Variants in TEC observed in about 807,000 individuals in gnomAD.
TEC encodes the protein tec protein tyrosine kinase.
Under a neutral mutation model 93.0 loss-of-function variants are expected in TEC, and 72 were observed. The ratio of observed to expected loss-of-function variants is 0.77; its 90% CI spans 0.64 to 0.94. The LOEUF is 0.94. TEC is among the 40% of genes least tolerant of loss of function. TEC has a pLI of 0.00. For missense variants in TEC, 630 were observed against 757.9 expected, an observed-to-expected ratio of 0.83 and a Z score of 1.98; for synonymous variants, 249 against 247.7, an observed-to-expected ratio of 1.01 and a Z score of -0.05.
At chr4:48,251,700 T>C (rs1299425224) in intron 1 of TEC, among the ~76,000 whole-genome samples, 1 of 152,152 alleles carries the variant, frequency 6.6e-6, no homozygotes, top group Non-Finnish European at 1.5e-5. Flanking sequence ...CTAAGGAGTA[T>C]GCAAGTGGAA....
chr4:48,179,376 ATTTTTTT>A (rs1159156668), intron 2 of TEC, among the ~76,000 whole-genome samples: 5 of 21,162 alleles, frequency 2.4e-4, no homozygotes, highest in African/African-American at 7.0e-4. Context: ...ATATATATAT[ATTTTTTT>A]TTTTTTTTTT....
chr4:48,159,279 T>A (rs1455434407), intron 8 of TEC, among the ~76,000 whole-genome samples: 1 of 152,194 alleles, frequency 6.6e-6, no homozygotes, highest in Non-Finnish European at 1.5e-5. Context: ...AGCACCAGCA[T>A]CTGAAAAAAG....
At chr4:48,147,129 T>C (rs948686119) in intron 11 of TEC, among the ~76,000 whole-genome samples, 7 of 151,872 alleles carry the variant, frequency 4.6e-5, no homozygotes, top group African/African-American at 1.7e-4. Flanking sequence ...ATAAAACTTA[T>C]ACAGGAACAC....
intron 2 of TEC, among the ~76,000 whole-genome samples, chr4:48,201,376 C>G (rs1722502467): frequency 6.6e-6 from 1 of 152,148 alleles, no homozygotes; most frequent in Non-Finnish European, 1.5e-5. Flanking sequence ...AAGTCATCTG[C>G]ACACAGAAGT....
At chr4:48,197,179 G>A (rs536329467) in intron 2 of TEC, among the ~76,000 whole-genome samples, 25 of 152,228 alleles carry the variant, frequency 1.6e-4, no homozygotes, top group Middle Eastern at 3.4e-3. Context: ...CAATTTGGTA[G>A]CCCAAAAAAT....
chr4:48,181,588 GCTTGAA>G (rs71742795), intron 2 of TEC, among the ~76,000 whole-genome samples: 98,575 of 150,372 alleles, frequency 0.66, 32,332 homozygotes, highest in Admixed American at 0.75. Context: ...CAGGAGAATA[GCTTGAA>G]CCTGGGAGGC....
intron 2 of TEC, among the ~76,000 whole-genome samples, chr4:48,217,014 C>G (rs1162031415): frequency 6.6e-6 from 1 of 152,154 alleles, no homozygotes; most frequent in Non-Finnish European, 1.5e-5. Flanking sequence ...CCATAAAAAG[C>G]TCTGCATGCC....
intron 2 of TEC, among the ~76,000 whole-genome samples, chr4:48,179,934 T>C (rs1012402791): frequency 6.6e-6 from 1 of 152,142 alleles, no homozygotes; most frequent in African/African-American, 2.4e-5. Flanking sequence ...ATTTAGTAAA[T>C]AACTGTCTAG....
intron 11 of TEC, among the ~76,000 whole-genome samples, chr4:48,147,254 A>G (rs1390683867): frequency 6.6e-6 from 1 of 152,264 alleles, no homozygotes; most frequent in Non-Finnish European, 1.5e-5. Context: ...ATGACGCAGC[A>G]TACCCATAAC....
rs562664066 is a variant in TEC, at chr4:48,152,055, CAATGG to C, written c.793-1118_793-1114del. Among the ~76,000 whole-genome samples the C allele has an allele frequency of 8.5e-4, 130 of 152,188 alleles. No individual in the cohort carries two copies. In the South Asian group the frequency reaches 0.011, roughly 13 times the overall value. On this transcript the variant is annotated intron_variant, in intron 9 of 17. Transcript: ENST00000381501. ...ATTGTACTCTTCTTGATAGGAAAAACAATGGAATTAAATAAATAAGGCTCCACAAA... is the reference window on the plus strand; with the variant it reads ...ATTGTACTCTTCTTGATAGGAAAAACAATTAAATAAATAAGGCTCCACAAA...
chr4:48,139,759 A>G (rs1719584424), intron 15 of TEC, among the ~76,000 whole-genome samples: 1 of 152,260 alleles, frequency 6.6e-6, no homozygotes. Context: ...CATATTTACA[A>G]AAGGAATGTA....
At chr4:48,140,613 C>A (rs1719618825) in intron 15 of TEC, among the ~76,000 whole-genome samples, 1 of 152,248 alleles carries the variant, frequency 6.6e-6, no homozygotes, top group Non-Finnish European at 1.5e-5. Context: ...AGCAGGAAAG[C>A]AGTCACAGGT....
At chr4:48,192,399 T>C (rs1224171432) in intron 2 of TEC, among the ~76,000 whole-genome samples, 1 of 152,036 alleles carries the variant, frequency 6.6e-6, no homozygotes, top group African/African-American at 2.4e-5. Flanking sequence ...CTTTTAGGGG[T>C]TATGGGCATA....
At chr4:48,227,985 C>T (rs139851514) in intron 2 of TEC, among the ~76,000 whole-genome samples, 2 of 152,120 alleles carry the variant, frequency 1.3e-5, no homozygotes, top group South Asian at 2.1e-4. Context: ...CTGCTGCCAT[C>T]GAAGAAACTT....
At chr4:48,186,090 C>T (rs942149438) in intron 2 of TEC, among the ~76,000 whole-genome samples, 1 of 152,218 alleles carries the variant, frequency 6.6e-6, no homozygotes, top group African/African-American at 2.4e-5. Flanking sequence ...AGCTCCTGAC[C>T]GTGAGTGATC....
At chr4:48,218,055 G>A (rs1361691139) in intron 2 of TEC, among the ~76,000 whole-genome samples, 1 of 151,968 alleles carries the variant, frequency 6.6e-6, no homozygotes, top group Non-Finnish European at 1.5e-5. Context: ...CTGGCATCAT[G>A]GCCTCTTGAA....
In TEC at chr4:48,141,397, C is replaced by T. The variant is rs1719658017; in HGVS notation, c.1493G>A (p.Ser498Asn). The stretch of plus-strand genomic sequence containing the variant: ...AGATACTTTTACAACTCCCGCCTCA[C>T]TTACTAGACAATTTCTGGCAGCCTG... ...RDLAARNCLV[S>N]EAGVVKVSDF... The change falls in exon 15 of 18, where the codon AGT becomes AAT. Residue 498 changes from serine (S) to asparagine (N), a missense_variant. Ser to Asn is a conservative substitution (Grantham distance 46, BLOSUM62 1). This residue lies in a region of TEC where 289 missense variants were observed against 390.0 expected (regional missense o/e 0.74). Coordinates refer to ENST00000381501, the MANE Select transcript of TEC (RefSeq NM_003215.3). The T allele has an allele frequency of 6.2e-7, 1 of 1,613,730 alleles. No homozygotes were observed. The highest frequency in any genetic ancestry group is 1.7e-5 in the Admixed American group (1 of 60,002).
chr4:48,203,677 CG>C (rs1319107510), intron 2 of TEC, among the ~76,000 whole-genome samples: 1 of 152,030 alleles, frequency 6.6e-6, no homozygotes, highest in East Asian at 1.9e-4. Context: ...ATATTTCCAC[CG>C]GAGACACAAA....
At chr4:48,165,741 T>C (rs1429640975) in intron 7 of TEC, among the ~76,000 whole-genome samples, 4 of 152,222 alleles carry the variant, frequency 2.6e-5, no homozygotes. Flanking sequence ...TTAAATGACC[T>C]GCTTTCATCA....
Sources: allele counts gnomAD v4.1 joint callset (sites outside exome capture counted in the v4.1 genomes callset), GRCh38; gene constraint gnomAD v4.1.1; regional missense constraint gnomAD v4.1.1; transcripts MANE v1.5; gene names NCBI Gene and HGNC (gene_info 2026-07-23, HGNC 2026-07-21).